Variants in CDH12 observed in about 807,000 individuals in gnomAD.
The protein encoded by CDH12 is cadherin 12.
A neutral mutation model predicts 74.1 loss-of-function variants in CDH12; 41 were observed. The observed-to-expected ratio is 0.55, with a 90% confidence interval of 0.43 to 0.72. CDH12 has a LOEUF of 0.72. Among genes scored for constraint, CDH12 ranks in the 30% least tolerant of loss-of-function variants. The pLI, the probability that CDH12 is intolerant of heterozygous loss-of-function variation, is 0.00. For synonymous variants in CDH12, 399 were observed against 355.0 expected, an observed-to-expected ratio of 1.12 and a Z score of -1.39; for missense variants, 945 against 977.2, an observed-to-expected ratio of 0.97 and a Z score of 0.44.
chr5:21,922,864 A>G (rs770339879), intron 6 of CDH12, among the ~76,000 whole-genome samples: 38 of 152,184 alleles, frequency 2.5e-4, no homozygotes, highest in Non-Finnish European at 5.1e-4. Flanking sequence ...TATCTTGTCT[A>G]CATCATACTC....
At chr5:22,554,130 G>T (rs1256234531) in intron 1 of CDH12, among the ~76,000 whole-genome samples, 1 of 152,186 alleles carries the variant, frequency 6.6e-6, no homozygotes, top group East Asian at 1.9e-4. Context: ...ACAGTAAAAA[G>T]ATCAGGTGTT....
rs3050972 is a variant in CDH12, at chr5:22,843,613, GGTGTGT to G, written c.-523+9439_-523+9444del. 3.5e-3 allele frequency among the ~76,000 whole-genome samples: 524 copies of G among 147,720 alleles called. 8 individuals carry two copies. The highest frequency in any genetic ancestry group is 0.024 in the Admixed American group (352 of 14,722). On this transcript the variant is annotated intron_variant, in intron 1 of 14. Coordinates refer to ENST00000382254, the MANE Select transcript of CDH12 (RefSeq NM_004061.5). ...TGAAGAAGTTGTTCTTAACATTTGT[GGTGTGT>G]GTGTGTGTGTGTGTGTGTGTGTGTG...
intron 6 of CDH12, among the ~76,000 whole-genome samples, chr5:21,957,893 T>G (rs1756172549): frequency 6.6e-6 from 1 of 152,200 alleles, no homozygotes; most frequent in South Asian, 2.1e-4. Context: ...ATAGTTTCTT[T>G]TGCTATGCAG....
At chr5:22,759,419 T>C (rs1746094240) in intron 1 of CDH12, among the ~76,000 whole-genome samples, 1 of 152,156 alleles carries the variant, frequency 6.6e-6, no homozygotes, top group African/African-American at 2.4e-5. Flanking sequence ...TTAGGCAAGA[T>C]CATTTAGCTG....
intron 3 of CDH12, among the ~76,000 whole-genome samples, chr5:22,248,433 T>C (rs1753031721): frequency 6.6e-6 from 1 of 152,292 alleles, no homozygotes; most frequent in Admixed American, 6.5e-5. Context: ...TTGAACAATT[T>C]CAGGGGATAT....
intron 1 of CDH12, among the ~76,000 whole-genome samples, chr5:22,729,262 TC>T (rs1225401148): frequency 2.6e-5 from 4 of 151,846 alleles, no homozygotes; most frequent in South Asian, 4.1e-4. Context: ...CTTTCCAAAT[TC>T]CCTGTTGAGG....
intron 5 of CDH12, among the ~76,000 whole-genome samples, chr5:22,028,188 T>G (rs1480738684): frequency 6.6e-6 from 1 of 152,102 alleles, no homozygotes; most frequent in Non-Finnish European, 1.5e-5. Context: ...GCATTCCCTT[T>G]GAGAAATGAC....
chr5:22,058,039 A>ATCTATCTG (rs1449575666), intron 5 of CDH12, among the ~76,000 whole-genome samples: 445 of 146,074 alleles, frequency 3.0e-3, no homozygotes, highest in African/African-American at 0.011. Context: ...CTATCTATCT[A>ATCTATCTG]TCTATCATCT....
At chr5:22,595,963 C>G (rs1234350188) in intron 1 of CDH12, among the ~76,000 whole-genome samples, 2 of 150,878 alleles carry the variant, frequency 1.3e-5, no homozygotes, top group Non-Finnish European at 3.0e-5. Flanking sequence ...AAAAAATTAG[C>G]CTGGCGTGGT....
chr5:22,226,027 GA>G (rs1752182810), intron 3 of CDH12, among the ~76,000 whole-genome samples: 1 of 151,864 alleles, frequency 6.6e-6, no homozygotes, highest in Admixed American at 6.6e-5. Context: ...CTTCAGTTTG[GA>G]AAAAAGAAGC....
chr5:22,507,055 A>G (rs1392010700), intron 1 of CDH12, among the ~76,000 whole-genome samples: 1 of 152,152 alleles, frequency 6.6e-6, no homozygotes, highest in Non-Finnish European at 1.5e-5. Context: ...CTGAAGAATC[A>G]TTAAGAAAGC....
At chr5:22,099,512 T>A (rs1009180452) in intron 4 of CDH12, among the ~76,000 whole-genome samples, 10 of 152,174 alleles carry the variant, frequency 6.6e-5, no homozygotes, top group Non-Finnish European at 1.2e-4. Context: ...CACTCCTTTT[T>A]ATTAGGCCCC....
chr5:22,042,359 G>A (rs1739633242), intron 5 of CDH12, among the ~76,000 whole-genome samples: 2 of 152,044 alleles, frequency 1.3e-5, no homozygotes, highest in Admixed American at 1.3e-4. Context: ...AGAGAAAGCT[G>A]TATTTTTCTG....
intron 5 of CDH12, among the ~76,000 whole-genome samples, chr5:22,021,707 G>A (rs967836402): frequency 1.6e-4 from 24 of 152,164 alleles, no homozygotes; most frequent in Admixed American, 1.4e-3. Context: ...TTGGAATAGG[G>A]TGAGTTAATG....
intron 4 of CDH12, among the ~76,000 whole-genome samples, chr5:22,159,798 A>C (rs1293821481): frequency 6.6e-6 from 1 of 152,212 alleles, no homozygotes; most frequent in African/African-American, 2.4e-5. Context: ...ACATAATTTA[A>C]ATAGTTTAAT....
chr5:21,937,120 A>G (rs1323892056), intron 6 of CDH12, among the ~76,000 whole-genome samples: 1 of 152,232 alleles, frequency 6.6e-6, no homozygotes, highest in Non-Finnish European at 1.5e-5. Context: ...TAAAAGCATA[A>G]CAATGTGGCA....
At chr5:21,839,054 A>G (rs943579619) in intron 8 of CDH12, among the ~76,000 whole-genome samples, 2 of 152,132 alleles carry the variant, frequency 1.3e-5, no homozygotes, top group Non-Finnish European at 2.9e-5. Context: ...ACAGCGCCCA[A>G]TTTCACAATG....
intron 1 of CDH12, among the ~76,000 whole-genome samples, chr5:22,754,983 A>G (rs1745813729): frequency 6.6e-6 from 1 of 152,108 alleles, no homozygotes; most frequent in East Asian, 1.9e-4. Flanking sequence ...ACAGTCTCTA[A>G]CCCATATTTT....
chr5:22,131,877 G>T (rs542707398), intron 4 of CDH12, among the ~76,000 whole-genome samples: 7 of 152,192 alleles, frequency 4.6e-5, no homozygotes, highest in Non-Finnish European at 7.4e-5. Flanking sequence ...GCCAAGGGGA[G>T]CTGGGTTGTT....
Sources: gnomAD v4.1 joint callset for allele counts (sites outside exome capture counted in the v4.1 genomes callset) on GRCh38, gnomAD v4.1.1 for gene constraint, MANE v1.5 for transcripts, NCBI Gene and HGNC (gene_info 2026-07-23, HGNC 2026-07-21) for gene names.